PPP2R2C: variants seen among roughly 807,000 people sequenced by gnomAD.
PPP2R2C encodes the protein protein phosphatase 2 regulatory subunit Bgamma, also known as protein phosphatase 2, regulatory subunit B, gamma.
In PPP2R2C, 10 loss-of-function variants were observed where a neutral mutation model predicts 45.3. The observed-to-expected ratio is 0.22, with a 90% confidence interval of 0.14 to 0.37. The LOEUF (loss-of-function observed/expected upper bound fraction) is 0.37. Among genes scored for constraint, PPP2R2C ranks in the 10% least tolerant of loss-of-function variants. The pLI, the probability that PPP2R2C is intolerant of heterozygous loss-of-function variation, is 1.00. For synonymous variants in PPP2R2C, 257 were observed against 245.4 expected (o/e 1.05, Z -0.44); for missense variants, 308 against 619.7 (o/e 0.50, Z 5.34).
chr4:6,394,912 C>G (rs1389306941), intron 1 of PPP2R2C, among the ~76,000 whole-genome samples: 1 of 152,232 alleles, frequency 6.6e-6, no homozygotes, highest in Non-Finnish European at 1.5e-5. Context: ...GGGCAGGGGT[C>G]AGGCTCTAAG....
chr4:6,346,125 C>T (rs1173781852), intron 6 of PPP2R2C, among the ~76,000 whole-genome samples: 2 of 152,192 alleles, frequency 1.3e-5, no homozygotes, highest in African/African-American at 2.4e-5. Context: ...TGCCCCACCT[C>T]CCAACAACCC....
At chr4:6,423,580 C>T (rs111931066) in intron 1 of PPP2R2C, among the ~76,000 whole-genome samples, 28 of 152,292 alleles carry the variant, frequency 1.8e-4, no homozygotes, top group African/African-American at 6.5e-4. Flanking sequence ...ACTGGGGAGG[C>T]GAAGCCCAAA....
chr4:6,443,654 G>GTGT (rs1720269875), intron 1 of PPP2R2C, among the ~76,000 whole-genome samples: 1 of 152,206 alleles, frequency 6.6e-6, no homozygotes, highest in South Asian at 2.1e-4. Context: ...CAGTGACTCA[G>GTGT]TCACTCTGAG....
chr4:6,399,579 C>T (rs1367527816), intron 1 of PPP2R2C, among the ~76,000 whole-genome samples: 1 of 152,190 alleles, frequency 6.6e-6, no homozygotes, highest in African/African-American at 2.4e-5. Context: ...AATAAATTAA[C>T]ATTCACCTCA....
At chr4:6,500,983 G>A (rs1723033119) in intron 2 of PPP2R2C, among the ~76,000 whole-genome samples, 1 of 152,244 alleles carries the variant, frequency 6.6e-6, no homozygotes, top group Non-Finnish European at 1.5e-5. Context: ...GGGCAAGACG[G>A]CAGAATGCCT....
chr4:6,383,222 T>C, intron 1 of PPP2R2C: 1 of 1,186,942 alleles, frequency 8.4e-7, no homozygotes, highest in Non-Finnish European at 1.1e-6. Flanking sequence ...GGAGGAAGAG[T>C]GGGTGCAGAA....
At chr4:6,488,260 A>T (rs1035863278) in intron 2 of PPP2R2C, among the ~76,000 whole-genome samples, 2 of 152,144 alleles carry the variant, frequency 1.3e-5, no homozygotes, top group Non-Finnish European at 2.9e-5. Flanking sequence ...TTCCTGCTTC[A>T]TTGCATGGCT....
At chr4:6,381,994 C>A in intron 1 of PPP2R2C, 1 of 1,423,556 alleles carries the variant, frequency 7.0e-7, no homozygotes, top group Non-Finnish European at 9.1e-7. Flanking sequence ...GAGGACAAGG[C>A]CCTAGCCTGG....
intron 1 of PPP2R2C, among the ~76,000 whole-genome samples, chr4:6,434,093 T>C (rs2109415311): frequency 6.6e-6 from 1 of 152,342 alleles, no homozygotes; most frequent in Non-Finnish European, 1.5e-5. Context: ...AGATACCATG[T>C]TTTAATCATA....
At chr4:6,453,126 A>G (rs1290051249) in intron 1 of PPP2R2C, among the ~76,000 whole-genome samples, 1 of 152,112 alleles carries the variant, frequency 6.6e-6, no homozygotes, top group Non-Finnish European at 1.5e-5. Context: ...TGAGCATCGG[A>G]TACACCTAAC....
At chr4:6,433,770 G>A (rs1197889781) in intron 1 of PPP2R2C, among the ~76,000 whole-genome samples, 1 of 152,170 alleles carries the variant, frequency 6.6e-6, no homozygotes, top group Non-Finnish European at 1.5e-5. Flanking sequence ...AGGCACCATT[G>A]TTACATCCAT....
intron 2 of PPP2R2C, among the ~76,000 whole-genome samples, chr4:6,511,388 T>C (rs945539908): frequency 1.8e-4 from 24 of 134,558 alleles, no homozygotes; most frequent in Middle Eastern, 3.7e-3. Flanking sequence ...ATGGTGGTGA[T>C]GGTGATGGTG....
chr4:6,439,442 C>T (rs34356207), intron 1 of PPP2R2C, among the ~76,000 whole-genome samples: 2 of 152,150 alleles, frequency 1.3e-5, no homozygotes, highest in African/African-American at 4.8e-5. Flanking sequence ...CTAACTTTAG[C>T]GTGATTCAAA....
rs576811784 is a variant in PPP2R2C at position 6,347,062 on chromosome 4, T to C, written c.790+784A>G. ...CGCCTTCAGGGGCCTCTGGGATGGC[T>C]GTGGCAGTGTGCAGCCCATGGCCAC... On this transcript the variant is annotated intron_variant, in intron 6 of 8. Transcript: ENST00000382599. Among the ~76,000 whole-genome samples, 154 of 152,332 alleles carry C rather than the reference T, an allele frequency of 1.0e-3. 1 individual carries two copies. The highest frequency in any genetic ancestry group is 3.6e-3 in the African/African-American group (150 of 41,584).
chr4:6,342,886 C>T (rs2109209579), intron 6 of PPP2R2C, among the ~76,000 whole-genome samples: 1 of 152,318 alleles, frequency 6.6e-6, no homozygotes, highest in African/African-American at 2.4e-5. Context: ...CCCTCGGTCT[C>T]CTCATCTGTC....
At chr4:6,381,896 T>C in intron 1 of PPP2R2C, 1 of 1,597,292 alleles carries the variant, frequency 6.3e-7, no homozygotes, top group Admixed American at 1.7e-5. Flanking sequence ...ACCCCTTCCA[T>C]CACCAACATT....
chr4:6,433,147 G>C (rs560341019), intron 1 of PPP2R2C, among the ~76,000 whole-genome samples: 1 of 152,122 alleles, frequency 6.6e-6, no homozygotes, highest in South Asian at 2.1e-4. Context: ...AAGTTTTTGG[G>C]GAGTCAAAAG....
At chr4:6,439,740 C>T (rs914279402) in intron 1 of PPP2R2C, among the ~76,000 whole-genome samples, 2 of 152,212 alleles carry the variant, frequency 1.3e-5, no homozygotes, top group African/African-American at 4.8e-5. Context: ...ACATACTTCT[C>T]TGTTGAATGG....
At chr4:6,546,436 T>A (rs1467717071) in intron 1 of PPP2R2C, among the ~76,000 whole-genome samples, 2 of 152,192 alleles carry the variant, frequency 1.3e-5, no homozygotes, top group Non-Finnish European at 2.9e-5. Flanking sequence ...ATCCTCACAA[T>A]AACTTCTTAA....
Sources: allele counts gnomAD v4.1 joint callset (sites outside exome capture counted in the v4.1 genomes callset), GRCh38; gene constraint gnomAD v4.1.1; transcripts MANE v1.5; gene names NCBI Gene and HGNC (gene_info 2026-07-23, HGNC 2026-07-21).